UBE3D: variants seen among roughly 807,000 people sequenced by gnomAD.
The protein encoded by UBE3D is E3 ubiquitin-protein ligase E3D.
A neutral mutation model predicts 49.6 loss-of-function variants in UBE3D; 48 were observed. That is an observed-to-expected ratio of 0.97 (90% CI 0.77 to 1.23). UBE3D has a LOEUF of 1.23. UBE3D is among the 50% of genes most tolerant of loss of function. UBE3D has a pLI of 0.00. For synonymous variants in UBE3D, 189 were observed against 174.2 expected (o/e 1.08, Z -0.67); for missense variants, 452 against 468.4 (o/e 0.96, Z 0.32).
chr6:83,052,190 CA>C (rs1783515002), intron 3 of UBE3D, among the ~76,000 whole-genome samples: 2 of 152,166 alleles, frequency 1.3e-5, no homozygotes, highest in Admixed American at 6.5e-5. Flanking sequence ...AATTGAGGCA[CA>C]GAATGGTTAA....
intron 3 of UBE3D, among the ~76,000 whole-genome samples, chr6:83,047,573 C>T (rs951991691): frequency 3.3e-5 from 5 of 152,126 alleles, no homozygotes; most frequent in African/African-American, 9.7e-5. Flanking sequence ...CATGCAGAGC[C>T]CCTGCTGAGA....
At chr6:83,016,048 C>A (rs1046964448) in intron 8 of UBE3D, among the ~76,000 whole-genome samples, 26 of 152,318 alleles carry the variant, frequency 1.7e-4, no homozygotes, top group African/African-American at 6.0e-4. Flanking sequence ...CCTGGTGAGG[C>A]TGTGCATACA....
Position 83,025,901 on chromosome 6 carries a change from A to G in UBE3D, c.668-1863T>C, listed in dbSNP as rs894528824. 4.1e-3 allele frequency among the ~76,000 whole-genome samples: 615 copies of G among 151,090 alleles called. 8 individuals carry two copies. Among genetic ancestry groups the G allele is most frequent in the African/African-American group, 0.013 (541 of 40,972 alleles). ...CCATCTTAAAAAAAAAAAAAAAAAA[A>G]AAAAGAAAAATTGTGTATGTATTGT... On this transcript the variant is annotated intron_variant, in intron 5 of 9. Coordinates refer to ENST00000369747, the MANE Select transcript of UBE3D (RefSeq NM_198920.3).
At chr6:82,894,903 C>T (rs1345241643) in intron 9 of UBE3D, among the ~76,000 whole-genome samples, 5 of 152,096 alleles carry the variant, frequency 3.3e-5, no homozygotes, top group Non-Finnish European at 7.4e-5. Context: ...AACATGAAGA[C>T]GATGGAAGAA....
At chr6:82,920,717 T>A (rs1773268939) in intron 9 of UBE3D, among the ~76,000 whole-genome samples, 1 of 152,218 alleles carries the variant, frequency 6.6e-6, no homozygotes, top group African/African-American at 2.4e-5. Context: ...CCACTGCTAC[T>A]TTTTCACTTA....
At chr6:82,911,182 C>A (rs1582314413) in intron 9 of UBE3D, among the ~76,000 whole-genome samples, 1 of 56,488 alleles carries the variant, frequency 1.8e-5, no homozygotes, top group African/African-American at 8.3e-5. Context: ...TAGGTCACAG[C>A]AAGAACATTT....
the UBE3D span, among the ~76,000 whole-genome samples, chr6:82,883,476 T>C: frequency 5.3e-5 from 8 of 152,204 alleles, no homozygotes. Flanking sequence ...ATTAAGAAGA[T>C]GAATAAAATA....
chr6:82,885,421 T>C, the UBE3D span, among the ~76,000 whole-genome samples: 3 of 152,310 alleles, frequency 2.0e-5, no homozygotes, highest in African/African-American at 7.2e-5. Context: ...TCACTGTATC[T>C]AAAATGTATT....
At chr6:82,958,008 T>C (rs1196963428) in intron 8 of UBE3D, among the ~76,000 whole-genome samples, 2 of 152,192 alleles carry the variant, frequency 1.3e-5, no homozygotes, top group Non-Finnish European at 2.9e-5. Flanking sequence ...AGCTGCTCTG[T>C]CTGAAGGGAA....
At chr6:82,900,882 A>T (rs1345778512) in intron 9 of UBE3D, among the ~76,000 whole-genome samples, 1 of 152,234 alleles carries the variant, frequency 6.6e-6, no homozygotes, top group Non-Finnish European at 1.5e-5. Flanking sequence ...GAAATAAAAA[A>T]GCCTTACTTC....
At chr6:82,929,678 A>G (rs1774004337) in intron 9 of UBE3D, among the ~76,000 whole-genome samples, 1 of 152,110 alleles carries the variant, frequency 6.6e-6, no homozygotes, top group Non-Finnish European at 1.5e-5. Context: ...CCAATTGCTA[A>G]AAAGCCCTTC....
intron 5 of UBE3D, chr6:83,036,696 T>A (rs1782282166): frequency 6.6e-6 from 1 of 152,060 alleles, no homozygotes; most frequent in African/African-American, 2.4e-5. Flanking sequence ...GTTTGTTGAC[T>A]GTAGGATGAG....
chr6:82,990,479 T>A (rs747697707), intron 8 of UBE3D, among the ~76,000 whole-genome samples: 2 of 152,118 alleles, frequency 1.3e-5, no homozygotes, highest in South Asian at 2.1e-4. Flanking sequence ...GGTTTCACCA[T>A]GTTGGACAGG....
chr6:83,039,787 G>A (rs1297035220), intron 4 of UBE3D, among the ~76,000 whole-genome samples: 3 of 152,048 alleles, frequency 2.0e-5, no homozygotes, highest in South Asian at 4.1e-4. Flanking sequence ...GGGATTACAG[G>A]CACCTGCCAC....
chr6:82,888,761 A>G (rs1467495454), downstream of UBE3D, among the ~76,000 whole-genome samples: 1 of 152,226 alleles, frequency 6.6e-6, no homozygotes, highest in African/African-American at 2.4e-5. Context: ...AAATAGGGAC[A>G]TATTTTTAAA....
intron 9 of UBE3D, among the ~76,000 whole-genome samples, chr6:82,949,278 A>T (rs1775620136): frequency 6.6e-6 from 1 of 152,106 alleles, no homozygotes; most frequent in South Asian, 2.1e-4. Flanking sequence ...AGCTACAAAC[A>T]GAGTAAAATC....
At chr6:83,021,503 GAA>G (rs377167631) in intron 7 of UBE3D, among the ~76,000 whole-genome samples, 2 of 140,928 alleles carry the variant, frequency 1.4e-5, no homozygotes, top group African/African-American at 2.6e-5. Flanking sequence ...TACTAAATAG[GAA>G]AAAAAAAAAA....
chr6:83,050,779 T>C (rs1400916946), intron 3 of UBE3D, among the ~76,000 whole-genome samples: 2 of 147,172 alleles, frequency 1.4e-5, no homozygotes, highest in African/African-American at 4.9e-5. Flanking sequence ...TCACAGGGCA[T>C]GCTACCTAAG....
At chr6:83,038,219 A>ACT in intron 5 of UBE3D, 197 bp downstream of exon 5, 1 of 490,630 alleles carries the variant, frequency 2.0e-6, no homozygotes, top group Non-Finnish European at 3.5e-6. Context: ...AAAATTCAAT[A>ACT]CTCTGTATTT....
Sources: allele counts gnomAD v4.1 joint callset (sites outside exome capture counted in the v4.1 genomes callset), GRCh38; gene constraint gnomAD v4.1.1; transcripts MANE v1.5; gene names NCBI Gene and HGNC (gene_info 2026-07-23, HGNC 2026-07-21).